NCK2: variants seen among roughly 807,000 people sequenced by gnomAD.
NCK2 encodes NCK adaptor protein 2.
NCK2 carries 16 observed loss-of-function variants against 33.9 expected under a neutral mutation model. The ratio of observed to expected loss-of-function variants is 0.47; its 90% CI spans 0.32 to 0.72. NCK2 has a LOEUF of 0.72. Among genes scored for constraint, NCK2 ranks in the 30% least tolerant of loss-of-function variants. NCK2 has a pLI of 0.03. For synonymous variants in NCK2, 273 were observed against 239.9 expected (o/e 1.14, Z -1.27); for missense variants, 418 against 537.3 (o/e 0.78, Z 2.19).
intron 1 of NCK2, among the ~76,000 whole-genome samples, chr2:105,804,018 T>C (rs1044506048): frequency 6.6e-6 from 1 of 152,204 alleles, no homozygotes; most frequent in Non-Finnish European, 1.5e-5. Flanking sequence ...GTTGAGTGCA[T>C]CTCTGCCATC....
chr2:105,844,747 G>GATATATATAT lies in NCK2; in HGVS notation c.-16-10288_-16-10279dup, dbSNP rs67123338. Among the ~76,000 whole-genome samples the GATATATATAT allele has an allele frequency of 9.9e-4, 132 of 133,604 alleles. 1 individual carries two copies. The highest frequency in any genetic ancestry group is 3.5e-3 in the African/African-American group (123 of 34,794). 87.6% of individuals were successfully genotyped at this position (133,604 alleles called of 152,430 possible). On this transcript the variant is annotated intron_variant, in intron 2 of 4. Coordinates refer to ENST00000233154, the MANE Select transcript of NCK2 (RefSeq NM_003581.5). ...AAGACTCTGTCTTGGGGCGGGGGGGGATATATATATATATATATATATGTA... is the reference window on the plus strand; with the variant it reads ...AAGACTCTGTCTTGGGGCGGGGGGGGATATATATATATATATATATATATATATATATGTA...
chr2:105,827,232 C>G (rs573210336), intron 2 of NCK2, among the ~76,000 whole-genome samples: 1 of 152,216 alleles, frequency 6.6e-6, no homozygotes, highest in African/African-American at 2.4e-5. Flanking sequence ...ATCTCCTGAC[C>G]TCGTGATCTA....
intron 4 of NCK2, among the ~76,000 whole-genome samples, chr2:105,883,424 CAA>C (rs1322272203): frequency 6.6e-6 from 1 of 152,132 alleles, no homozygotes; most frequent in Non-Finnish European, 1.5e-5. Flanking sequence ...GTATAATGCA[CAA>C]AATATGATCT....
intron 2 of NCK2, among the ~76,000 whole-genome samples, chr2:105,849,829 A>C (rs1223117574): frequency 2.0e-5 from 3 of 152,178 alleles, no homozygotes; most frequent in East Asian, 3.9e-4. Flanking sequence ...GCCCCTCCTG[A>C]CAGGTATGAC....
intron 4 of NCK2, among the ~76,000 whole-genome samples, chr2:105,886,718 T>C (rs1293916779): frequency 6.6e-6 from 1 of 152,146 alleles, no homozygotes; most frequent in Admixed American, 6.6e-5. Context: ...AGGACAATAT[T>C]CTACAGGTCT....
At chr2:105,825,938 G>A (rs1317631527) in intron 2 of NCK2, among the ~76,000 whole-genome samples, 1 of 152,194 alleles carries the variant, frequency 6.6e-6, no homozygotes, top group Non-Finnish European at 1.5e-5. Flanking sequence ...AGATCTTGAT[G>A]GAGATTCTGA....
Position 105,848,933 on chromosome 2 carries a change from TCTA to T in NCK2, c.-16-6111_-16-6109del, listed in dbSNP as rs577577812. Among the ~76,000 whole-genome samples, 585 of 152,346 alleles carry T rather than the reference TCTA, an allele frequency of 3.8e-3. 8 individuals carry two copies. Among genetic ancestry groups the T allele is most frequent in the African/African-American group, 0.013 (529 of 41,584 alleles). The stretch of plus-strand genomic sequence containing the variant: ...TTTTTCATATAGACTCAATTTTTTT[TCTA>T]CTAACTGAACTCTAAACCAATTATT... On this transcript the variant is annotated intron_variant, in intron 2 of 4. Transcript: ENST00000233154.
rs534727383 is a variant in NCK2 at position 105,881,639 on chromosome 2, C to G, written c.538C>G (p.Leu180Val). 1.2e-6 allele frequency: 2 copies of G among 1,613,476 alleles called. No individual in the cohort carries two copies. The highest frequency in any genetic ancestry group is 2.7e-5 in the African/African-American group (2 of 75,066). The change falls in exon 4 of 5, where the codon CTG (leucine) becomes GTG (valine). Residue 180 changes from leucine (L) to valine (V), a missense_variant. Coordinates refer to ENST00000233154, the MANE Select transcript of NCK2 (RefSeq NM_003581.5). Reference protein sequence around the residue: ...DEAAAESPSFLSLRKGASLSN... With the variant: ...DEAAAESPSFVSLRKGASLSN... The stretch of plus-strand genomic sequence containing the variant: ...GGCGGCTGCGGAGTCCCCAAGCTTC[C>G]TGAGCCTGCGCAAGGGCGCCTCGCT...
chr2:105,765,206 C>T (rs923357329), intron 1 of NCK2, among the ~76,000 whole-genome samples: 5 of 152,206 alleles, frequency 3.3e-5, no homozygotes, highest in Non-Finnish European at 5.9e-5. Flanking sequence ...TAAATGGTCC[C>T]TCCATAAAGG....
At chr2:105,802,491 G>A (rs1674877832) in intron 1 of NCK2, among the ~76,000 whole-genome samples, 1 of 152,212 alleles carries the variant, frequency 6.6e-6, no homozygotes, top group African/African-American at 2.4e-5. Context: ...TCTACTTCTG[G>A]TGAGGACCTC....
At chr2:105,852,211 T>C (rs540039817) in intron 2 of NCK2, among the ~76,000 whole-genome samples, 30 of 152,288 alleles carry the variant, frequency 2.0e-4, no homozygotes, top group African/African-American at 7.0e-4. Flanking sequence ...GACACCTCCC[T>C]GAAAGGTGGG....
At chr2:105,856,886 G>A (rs1469793632) in intron 3 of NCK2, 1 of 151,940 alleles carries the variant, frequency 6.6e-6, no homozygotes, top group Non-Finnish European at 1.5e-5. Context: ...ATTAACTGTG[G>A]TTACCAAAAA....
chr2:105,794,547 C>G (rs1305651935), intron 1 of NCK2, among the ~76,000 whole-genome samples: 1 of 152,026 alleles, frequency 6.6e-6, no homozygotes, highest in Non-Finnish European at 1.5e-5. Context: ...TAGGGTTTAT[C>G]TCACAGGGGA....
rs200594599 is a variant in NCK2 at position 105,892,997 on chromosome 2, G to A, written c.964G>A (p.Val322Met). ...TCCTCCCCAGCCCAGCGACTTCTCC[G>A]TGTCCCTTAAAGCGTCAGGGAAGAA... Reference protein sequence around the residue: ...DSESSPSDFSVSLKASGKNKH... With the variant: ...DSESSPSDFSMSLKASGKNKH... Residue 322 changes from valine to methionine, a missense_variant, in exon 5 of 5, where the codon GTG becomes ATG. Val to Met is a conservative substitution (Grantham distance 21). Transcript: ENST00000233154. The A allele has an allele frequency of 3.3e-5, 53 of 1,609,174 alleles. No individual in the cohort carries two copies. Among genetic ancestry groups the A allele is most frequent in the Non-Finnish European group, 2.6e-6 (3 of 1,176,022 alleles).
chr2:105,866,977 T>C (rs1677792433), intron 3 of NCK2, among the ~76,000 whole-genome samples: 1 of 152,202 alleles, frequency 6.6e-6, no homozygotes, highest in African/African-American at 2.4e-5. Flanking sequence ...CTGAGTTGAA[T>C]GTTCTTCAGG....
chr2:105,759,714 C>A (rs1053117143), intron 1 of NCK2, among the ~76,000 whole-genome samples: 1 of 152,192 alleles, frequency 6.6e-6, no homozygotes, highest in Non-Finnish European at 1.5e-5. Context: ...GGATCCCATC[C>A]AGGGCACGTT....
intron 1 of NCK2, among the ~76,000 whole-genome samples, chr2:105,774,031 C>T (rs1171881047): frequency 1.5e-5 from 2 of 130,534 alleles, no homozygotes; most frequent in Non-Finnish European, 3.2e-5. Flanking sequence ...TTTTTTGAGA[C>T]GGAGTCTCGC....
intron 1 of NCK2, among the ~76,000 whole-genome samples, chr2:105,773,546 T>C (rs1349557063): frequency 6.6e-6 from 1 of 152,146 alleles, no homozygotes. Context: ...TGCTTCATAC[T>C]TCATGTCTTT....
At chr2:105,766,926 G>A (rs1286867683) in intron 1 of NCK2, among the ~76,000 whole-genome samples, 1 of 152,336 alleles carries the variant, frequency 6.6e-6, no homozygotes, top group Non-Finnish European at 1.5e-5. Flanking sequence ...CCTGCTGCCT[G>A]TGCAGTGTTG....
Sources: gnomAD v4.1 joint callset for allele counts (sites outside exome capture counted in the v4.1 genomes callset) on GRCh38, gnomAD v4.1.1 for gene constraint, MANE v1.5 for transcripts, NCBI Gene and HGNC (gene_info 2026-07-23, HGNC 2026-07-21) for gene names.